LONP1: variants seen among roughly 807,000 people sequenced by gnomAD.
LONP1 encodes lon protease homolog, mitochondrial.
In LONP1, 31 loss-of-function variants were observed where a neutral mutation model predicts 98.5. The ratio of observed to expected loss-of-function variants is 0.31; its 90% CI spans 0.24 to 0.42. The LOEUF is 0.42. Ranked by LOEUF, LONP1 falls within the 20% of genes least tolerant of loss-of-function variation. The pLI is 1.00. For missense variants in LONP1, 1,336 were observed against 1,350.6 expected (o/e 0.99, Z 0.17); for synonymous variants, 781 against 594.7 (o/e 1.31, Z -4.56).
chr19:5,706,043 G>C, intron 7 of LONP1, 51 bp from the exon 8 acceptor site: 1 of 1,317,816 alleles, frequency 7.6e-7, no homozygotes, highest in Non-Finnish European at 1.1e-6. Context: ...AGCTGGGTGG[G>C]TGGGTGCGTC....
rs760475861 is a variant in LONP1 at position 5,693,386 on chromosome 19, G to A, written c.2615C>T (p.Pro872Leu). The change falls in exon 17 of 18, where the codon CCT becomes CTT. Residue 872 changes from proline (P) to leucine (L), a missense_variant. Physicochemically the swap from Pro to Leu is moderately conservative, Grantham distance 98. Transcript: ENST00000360614. ...AGTCATGGCCAGATTCTGCCGGACA[G>A]GCCTGCCCATGGCCAGGGACAGCAG... ...TALLSLAMGR[P>L]VRQNLAMTGE... 3.1e-6 allele frequency: 5 copies of A among 1,613,300 alleles called. No homozygotes were observed. Among genetic ancestry groups the A allele is most frequent in the South Asian group, 1.1e-5 (1 of 91,080 alleles).
chr19:5,692,138 G>A lies in LONP1; in HGVS notation c.2774C>T (p.Ala925Val). The A allele has an allele frequency of 1.2e-6, 2 of 1,614,120 alleles. No individual in the cohort carries two copies. The highest frequency in any genetic ancestry group is 1.1e-5 in the South Asian group (1 of 91,078). ...CACCTCCAGGCCCTCGGTGATGAAG[G>A]CTGCCAGGTCGTAGAAGTCCTTCTT... ...ENKKDFYDLA[A>V]FITEGLEVHF... Residue 925 changes from alanine to valine, a missense_variant, in exon 18 of 18, where the codon GCC becomes GTC. Ala to Val is a moderately conservative substitution (Grantham distance 64, BLOSUM62 0). This residue lies in a region of LONP1 where 555 missense variants were observed against 542.6 expected (regional missense o/e 1.02). Transcript: ENST00000360614.
chr19:5,707,587 G>A lies in LONP1; in HGVS notation c.1062+110C>T, dbSNP rs529693225. 10 of 1,200,002 alleles carry A rather than the reference G, an allele frequency of 8.3e-6. No homozygotes were observed. In the South Asian group the frequency reaches 1.4e-4, roughly 17 times the overall value. 74.3% of individuals were successfully genotyped at this position (1,200,002 alleles called of 1,614,324 possible). A position where few individuals can be genotyped will look rare whatever the true frequency, so the allele number is the denominator to read the frequency against. On this transcript the variant is annotated intron_variant, in intron 6 of 17. Transcript: ENST00000360614. The stretch of plus-strand genomic sequence containing the variant: ...GGTGCACGGTGGAGGGACAAGGGCA[G>A]CCAGGCATGGGGGAGCTGAGGAGGA...
In LONP1 at chr19:5,694,837, G is replaced by A. The variant is rs772463069; in HGVS notation, c.2078C>T (p.Ser693Leu). The change falls in exon 14 of 18, where the codon TCG (serine) becomes TTG (leucine). Residue 693 changes from serine (S) to leucine (L), a missense_variant. Around this residue, in one of 5 missense-constraint regions of LONP1, gnomAD observed 555 missense variants for 542.6 expected, o/e 1.02. Coordinates refer to ENST00000360614, the MANE Select transcript of LONP1 (RefSeq NM_004793.4). ...CTTGATGAGCAGCGTCAGCACGTCC[G>A]ATGACAGCTTGGCCTTGCTCTCATC... ...GLDESKAKLS[S>L]DVLTLLIKQY... 13 of 1,604,428 alleles carry A rather than the reference G, an allele frequency of 8.1e-6. No homozygotes were observed. Among genetic ancestry groups the A allele is most frequent in the Admixed American group, 6.7e-5 (4 of 59,858 alleles).
rs369130620 is a variant in LONP1 at position 5,711,038 on chromosome 19, G to GAA, written c.870+731_870+732dup. Among the ~76,000 whole-genome samples the GAA allele has an allele frequency of 1.6e-3, 236 of 145,466 alleles. 1 individual carries two copies. Among genetic ancestry groups the GAA allele is most frequent in the African/African-American group, 5.7e-3 (228 of 40,002 alleles). On this transcript the variant is annotated intron_variant, in intron 4 of 17. Transcript: ENST00000360614. ...CCAGACTCTGTCTCAAAAAAAGAAA[G>GAA]AAAAAAAAAAACCTCGCAGGGGTAG...
At chr19:5,718,137 G>C (rs1455637844) in intron 1 of LONP1, among the ~76,000 whole-genome samples, 1 of 152,058 alleles carries the variant, frequency 6.6e-6, no homozygotes, top group African/African-American at 2.4e-5. Context: ...GACCCCACAA[G>C]GTCTTGCTCT....
In LONP1 at chr19:5,696,706, C is replaced by A; in HGVS notation, c.1737G>T (p.Lys579Asn). The change falls in exon 11 of 18, where the codon AAG becomes AAT. Residue 579 changes from lysine (K) to asparagine (N), a missense_variant. This residue lies in a region of LONP1 where 555 missense variants were observed against 542.6 expected (regional missense o/e 1.02). Coordinates refer to ENST00000360614, the MANE Select transcript of LONP1 (RefSeq NM_004793.4). ...GGATCAGGGGGTTCTCCGTCTTGGT[C>A]TTCTTCAAACACTGGATGATCTTCC... ...MPGKIIQCLKKTKTENPLILI... is the reference protein window; with the variant it reads ...MPGKIIQCLKNTKTENPLILI... 6.2e-7 allele frequency: 1 copy of A among 1,613,670 alleles called. No individual in the cohort carries two copies. The highest frequency in any genetic ancestry group is 8.5e-7 in the Non-Finnish European group (1 of 1,179,942).
chr19:5,710,148 A>G (rs1328170438), intron 4 of LONP1, among the ~76,000 whole-genome samples: 1 of 150,418 alleles, frequency 6.6e-6, no homozygotes. Flanking sequence ...CAATAGTGCA[A>G]TCTCGGCTCA....
intron 8 of LONP1, among the ~76,000 whole-genome samples, chr19:5,704,781 C>T (rs1166886428): frequency 6.6e-6 from 1 of 152,198 alleles, no homozygotes; most frequent in Non-Finnish European, 1.5e-5. Flanking sequence ...AAGGCATGGT[C>T]ACTTCCTGGC....
In LONP1 at chr19:5,711,763, G is replaced by A. The variant is rs111811946; in HGVS notation, c.870+8C>T. Reference sequence around the variant, plus strand: ...GCTGTGGCCGCCCTGCGTGACGCACGGACTCACTTTCACCTCCTCCGTGAC... The same window carrying A: ...GCTGTGGCCGCCCTGCGTGACGCACAGACTCACTTTCACCTCCTCCGTGAC... On this transcript the variant is annotated splice_region_variant and intron_variant, in intron 4 of 17. Coordinates refer to ENST00000360614, the MANE Select transcript of LONP1 (RefSeq NM_004793.4). 20 of 1,601,738 alleles carry A rather than the reference G, an allele frequency of 1.2e-5. No homozygotes were observed. Among genetic ancestry groups the A allele is most frequent in the Middle Eastern group, 1.7e-4 (1 of 6,060 alleles).
At chr19:5,702,436 G>A (rs1284933785) in intron 8 of LONP1, among the ~76,000 whole-genome samples, 1 of 151,350 alleles carries the variant, frequency 6.6e-6, no homozygotes, top group East Asian at 2.0e-4. Context: ...ACTGGGAAGT[G>A]AGGAGCCCCT....
intron 8 of LONP1, among the ~76,000 whole-genome samples, chr19:5,704,086 C>T (rs2055104586): frequency 6.6e-6 from 1 of 152,120 alleles, no homozygotes; most frequent in African/African-American, 2.4e-5. Context: ...TTCTGGGTGA[C>T]CCAGGGGGCC....
At position 5,700,812 on chromosome 19, in the gene LONP1, C is replaced by A; in HGVS notation, c.1483G>T (p.Glu495Ter). 6.2e-7 allele frequency: 1 copy of A among 1,614,196 alleles called. No homozygotes were observed. Among genetic ancestry groups the A allele is most frequent in the Non-Finnish European group, 8.5e-7 (1 of 1,180,028 alleles). ...ACCAGGATGCGTTTCTTGACGTCCT[C>A]CATGCCGTAGTGGTCTTCCTCCAGC... ...AVLEEDHYGM[E>*]DVKKRILEFI... The change falls in exon 9 of 18, where the codon GAG (glutamate) becomes TAG (stop). Residue 495 changes from glutamate (E) to a stop codon, truncating the protein, a stop_gained. Coordinates refer to ENST00000360614, the MANE Select transcript of LONP1 (RefSeq NM_004793.4). LOFTEE classifies it high-confidence loss of function.
rs1385656854 is a variant in LONP1, at chr19:5,696,062, T to C, written c.2005A>G (p.Ile669Val). 2 of 1,612,268 alleles carry C rather than the reference T, an allele frequency of 1.2e-6. No individual in the cohort carries two copies. Among genetic ancestry groups the C allele is most frequent in the Non-Finnish European group, 8.5e-7 (1 of 1,179,752 alleles). Reference sequence around the variant, plus strand: ...GGAGGGGCTGGGCTTACCTCCGCAATGGCCAGCTTCTCCTGGGCCACGTAG... The same window carrying C: ...GGAGGGGCTGGGCTTACCTCCGCAACGGCCAGCTTCTCCTGGGCCACGTAG... ...SGYVAQEKLA[I>V]AERYLVPQAR... The change falls in exon 13 of 18, where the codon ATT becomes GTT. Residue 669 changes from isoleucine to valine, a missense_variant. Coordinates refer to ENST00000360614, the MANE Select transcript of LONP1 (RefSeq NM_004793.4).
chr19:5,717,418 A>T (rs926817738), intron 1 of LONP1: 1 of 152,182 alleles, frequency 6.6e-6, no homozygotes, highest in African/African-American at 2.4e-5. Flanking sequence ...TCAACCAGAA[A>T]TACAATGAGA....
chr19:5,711,593 G>A (rs927956483), intron 4 of LONP1, among the ~76,000 whole-genome samples, 178 bp downstream of exon 4: 2 of 152,298 alleles, frequency 1.3e-5, no homozygotes, highest in Middle Eastern at 3.4e-3. Context: ...AGAGTCTTCC[G>A]AAGACCTCTG....
intron 7 of LONP1, among the ~76,000 whole-genome samples, chr19:5,706,672 G>T (rs1160951767): frequency 6.6e-6 from 1 of 152,146 alleles, no homozygotes; most frequent in Middle Eastern, 3.2e-3. Context: ...GCTGTGATCT[G>T]CCGAAAATCA....
At chr19:5,703,785 A>ACG (rs1469656438) in intron 8 of LONP1, among the ~76,000 whole-genome samples, 1 of 152,020 alleles carries the variant, frequency 6.6e-6, no homozygotes, top group African/African-American at 2.4e-5. Context: ...TCTTGGTGAC[A>ACG]CGCAGGTACT....
chr19:5,697,146 CT>C (rs1345516861), intron 10 of LONP1, among the ~76,000 whole-genome samples: 1 of 152,142 alleles, frequency 6.6e-6, no homozygotes, highest in African/African-American at 2.4e-5. Context: ...CTCAGGAGGG[CT>C]TCCTGCAAGC....
Sources: allele counts gnomAD v4.1 joint callset (sites outside exome capture counted in the v4.1 genomes callset), GRCh38; gene constraint gnomAD v4.1.1; regional missense constraint gnomAD v4.1.1; transcripts MANE v1.5; gene names NCBI Gene and HGNC (gene_info 2026-07-23, HGNC 2026-07-21).